Variants in EZH1 observed in about 807,000 individuals in gnomAD.
EZH1 encodes the protein enhancer of zeste 1 polycomb repressive complex 2 subunit.
EZH1 carries 33 observed loss-of-function variants against 100.5 expected under a neutral mutation model. The ratio of observed to expected loss-of-function variants is 0.33; its 90% CI spans 0.25 to 0.44. The LOEUF (loss-of-function observed/expected upper bound fraction) is 0.44, where lower values mean the gene tolerates loss of function less well. Among genes scored for constraint, EZH1 ranks in the 20% least tolerant of loss-of-function variants. The pLI is 1.00. For missense variants in EZH1, 475 were observed against 928.4 expected (o/e 0.51, Z 6.35); for synonymous variants, 272 against 313.8 (o/e 0.87, Z 1.41).
Position 42,731,051 on chromosome 17 carries a change from C to T in EZH1, c.-102-133G>A, listed in dbSNP as rs2053938032. 5 of 185,304 alleles carry T rather than the reference C, an allele frequency of 2.7e-5. No homozygotes were observed. In the South Asian group the frequency reaches 9.1e-4, roughly 34 times the overall value. 11.5% of individuals were successfully genotyped at this position (185,304 alleles called of 1,614,324 possible). On this transcript the variant is annotated intron_variant, in intron 1 of 20. Coordinates refer to ENST00000428826, the MANE Select transcript of EZH1 (RefSeq NM_001991.5). The stretch of plus-strand genomic sequence containing the variant: ...TCCTACTATTTTTGTATGTCTAAGA[C>T]AGGTCCCTATAATACTTGATGCCAT...
rs529836757 is a variant in EZH1, at chr17:42,718,287, G to A, written c.931+167C>T. The A allele has an allele frequency of 4.2e-6, 4 of 959,922 alleles. No homozygotes were observed. The highest frequency in any genetic ancestry group is 6.1e-6 in the Non-Finnish European group (4 of 655,826). The allele number at this position is 959,922 out of a possible 1,614,324, so 59.5% of individuals were successfully genotyped here. A position where few individuals can be genotyped will look rare whatever the true frequency, so the allele number is the denominator to read the frequency against. On this transcript the variant is annotated intron_variant, in intron 9 of 20. Transcript: ENST00000428826. This position sits in a 1 kb window ranked among gnomAD's most constrained non-coding sequence, Gnocchi z 4.2. ...TTGCTAGTTAGTCTGTCCCTATCAT[G>A]CAAAGCATGTTGCACTATAATTGAG...
rs8072886 is a variant in EZH1, at chr17:42,710,032, C to G, written c.1402-95G>C. The G allele has an allele frequency of 3.5e-3, 3,500 of 1,013,552 alleles. 78 individuals are homozygous for G. In the African/African-American group the frequency reaches 0.048, roughly 14 times the overall value. 62.8% of individuals were successfully genotyped at this position (1,013,552 alleles called of 1,614,324 possible). On this transcript the variant is annotated intron_variant, in intron 12 of 20. Coordinates refer to ENST00000428826, the MANE Select transcript of EZH1 (RefSeq NM_001991.5). ...CTGGCCTTGGGAGGGTTCTGAGAAACTCAGGCAGCTGACCAAGCCTCTCAT... is the reference window on the plus strand; with the variant it reads ...CTGGCCTTGGGAGGGTTCTGAGAAAGTCAGGCAGCTGACCAAGCCTCTCAT...
At chr17:42,714,137 AC>A (rs1257019025) in intron 10 of EZH1, among the ~76,000 whole-genome samples, 1 of 152,012 alleles carries the variant, frequency 6.6e-6, no homozygotes, top group African/African-American at 2.4e-5. Context: ...TACAGCTATC[AC>A]CCCCTTTTTT....
intron 2 of EZH1, chr17:42,729,214 T>C: frequency 3.4e-6 from 1 of 291,358 alleles, no homozygotes; most frequent in Admixed American, 5.1e-5. Flanking sequence ...TGAGACAACC[T>C]TGGGCAACAT....
chr17:42,744,779 G>C (rs1480331956), intron 1 of EZH1, among the ~76,000 whole-genome samples: 1 of 141,360 alleles, frequency 7.1e-6, no homozygotes, highest in South Asian at 2.6e-4. Context: ...CGGGCACACA[G>C]CCCTCGCAGC....
intron 10 of EZH1, among the ~76,000 whole-genome samples, chr17:42,714,868 T>G (rs527411151): frequency 2.2e-4 from 31 of 142,218 alleles, no homozygotes; most frequent in African/African-American, 6.5e-4. Flanking sequence ...ACATATAATT[T>G]TTATATATTA....
At chr17:42,707,889 T>C (rs1008233485) in intron 15 of EZH1, 69 bp downstream of exon 15, 1 of 1,601,586 alleles carries the variant, frequency 6.2e-7, no homozygotes, top group African/African-American at 1.3e-5. Context: ...GGCACAGGAA[T>C]GGGGCAAGCC....
intron 6 of EZH1, among the ~76,000 whole-genome samples, chr17:42,721,640 TTC>T (rs1270805195): frequency 6.6e-6 from 1 of 152,012 alleles, no homozygotes; most frequent in Non-Finnish European, 1.5e-5. Flanking sequence ...TAATTTTTAT[TTC>T]TGTTTCTGCT....
intron 4 of EZH1, among the ~76,000 whole-genome samples, chr17:42,725,868 TACACTATCTGC>T (rs2053808769): frequency 6.6e-6 from 1 of 152,080 alleles, no homozygotes; most frequent in Non-Finnish European, 1.5e-5. Flanking sequence ...TTGCTCTCAA[TACACTATCTGC>T]TTTTCGTTTT....
intron 1 of EZH1, among the ~76,000 whole-genome samples, chr17:42,740,069 A>G (rs769091465): frequency 1.3e-5 from 2 of 151,730 alleles, no homozygotes; most frequent in Non-Finnish European, 2.9e-5. Flanking sequence ...ATTTCATTTT[A>G]TTTTGTTTTT....
At position 42,733,485 on chromosome 17, in the gene EZH1, C is replaced by CA. The variant is rs528536593; in HGVS notation, c.-102-2568dup. 7.9e-5 allele frequency among the ~76,000 whole-genome samples: 12 copies of CA among 151,134 alleles called. No individual in the cohort carries two copies. The South Asian group carries it at 2.5e-3, about 32-fold the overall frequency. ...TGAAACCCCGTCTCTTCTAAAAATACAAAAAATTAGCCTGGCATGGTGGCA... is the reference window on the plus strand; with the variant it reads ...TGAAACCCCGTCTCTTCTAAAAATACAAAAAAATTAGCCTGGCATGGTGGCA... On this transcript the variant is annotated intron_variant, in intron 1 of 20. Coordinates refer to ENST00000428826, the MANE Select transcript of EZH1 (RefSeq NM_001991.5).
intron 12 of EZH1, among the ~76,000 whole-genome samples, chr17:42,712,085 A>C (rs1310997877): frequency 6.6e-6 from 1 of 152,152 alleles, no homozygotes; most frequent in Non-Finnish European, 1.5e-5. Context: ...AGCAAGGAGG[A>C]GGCGGGTCCC....
Position 42,700,970 on chromosome 17 carries a change from C to G in EZH1, c.*1562G>C, listed in dbSNP as rs1365513299. Reference sequence around the variant, plus strand: ...AGTGGGAAGAAGCGGGGCTCTGAGTCCCAGAAAGAAGGGAGAAGCCTGCTC... The same window carrying G: ...AGTGGGAAGAAGCGGGGCTCTGAGTGCCAGAAAGAAGGGAGAAGCCTGCTC... On this transcript the variant is annotated 3_prime_UTR_variant, in exon 21 of 21. Coordinates refer to ENST00000428826, the MANE Select transcript of EZH1 (RefSeq NM_001991.5). 1 of 152,282 alleles carries G rather than the reference C, an allele frequency of 6.6e-6. No homozygotes were observed. Among genetic ancestry groups the G allele is most frequent in the Non-Finnish European group, 1.5e-5 (1 of 68,044 alleles). 9.4% of individuals were successfully genotyped at this position (152,282 alleles called of 1,614,324 possible).
At position 42,702,713 on chromosome 17, in the gene EZH1, C is replaced by T. The variant is rs2053268978; in HGVS notation, c.2184-121G>A. On this transcript the variant is annotated intron_variant, in intron 20 of 20. Transcript: ENST00000428826. ...TTAAGGGCTGTTTACAATGGTCCCA[C>T]TTCTGAGGCAAGGCACCAGATATCA... 3 of 1,284,790 alleles carry T rather than the reference C, an allele frequency of 2.3e-6. No individual in the cohort carries two copies. In the South Asian group the frequency reaches 3.8e-5, roughly 16 times the overall value. 79.6% of individuals were successfully genotyped at this position (1,284,790 alleles called of 1,614,324 possible).
In EZH1 at chr17:42,734,723, G is replaced by A. The variant is rs189197246; in HGVS notation, c.-102-3805C>T. On this transcript the variant is annotated intron_variant, in intron 1 of 20. Transcript: ENST00000428826. ...AAGAAGGAAGGAAGGGCTGGGCGCA[G>A]TGGCTCACACCTGTAATCCCAGTAC... Among the ~76,000 whole-genome samples, 220 of 151,742 alleles carry A rather than the reference G, an allele frequency of 1.4e-3. 3 individuals are homozygous for A. The highest frequency in any genetic ancestry group is 2.0e-3 in the Non-Finnish European group (139 of 67,980).
intron 12 of EZH1, 120 bp from the exon 13 acceptor site, chr17:42,710,057 T>A (rs549730712): frequency 6.4e-6 from 5 of 781,462 alleles, no homozygotes; most frequent in Admixed American, 2.0e-5. Context: ...AAGCCTCTCA[T>A]CAGTCAGGGA....
At position 42,724,392 on chromosome 17, in the gene EZH1, T is replaced by G. The variant is rs1390712815; in HGVS notation, c.279A>C (p.Ala93=). 6.2e-7 allele frequency: 1 copy of G among 1,614,086 alleles called. No individual in the cohort carries two copies. The highest frequency in any genetic ancestry group is 1.3e-5 in the African/African-American group (1 of 75,048). The change falls in exon 5 of 21, where the codon GCA becomes GCC. Residue 93 remains alanine (A), a synonymous_variant. Coordinates refer to ENST00000428826, the MANE Select transcript of EZH1 (RefSeq NM_001991.5). The part of the protein sequence containing the change: ...CTIESIFPGF[A]SQHMLMRSLN... ...GTGACCTCATTAACATATGTTGGCT[T>G]GCAAATCCCGGGAAAATGCTCTCTA...
rs775017802 is a variant in EZH1 at position 42,704,603 on chromosome 17, A to G, written c.2016T>C (p.Asn672=). 1.9e-6 allele frequency: 3 copies of G among 1,612,378 alleles called. No individual in the cohort carries two copies. The highest frequency in any genetic ancestry group is 3.3e-5 in the Admixed American group (2 of 59,964). ...GGATGAGACAAAGTGACTTCATACCATTATTGAGGTTGAAGAGGAAGCTGG... is the reference window on the plus strand; with the variant it reads ...GGATGAGACAAAGTGACTTCATACCGTTATTGAGGTTGAAGAGGAAGCTGG... ...YMSSFLFNLN[N]DFVVDATRKG... The change falls in exon 18 of 21, where the codon AAT becomes AAC. Residue 672 remains asparagine (N), a splice_region_variant and synonymous_variant. Coordinates refer to ENST00000428826, the MANE Select transcript of EZH1 (RefSeq NM_001991.5).
rs757033020 is a variant in EZH1, at chr17:42,713,240, G to T, written c.1173C>A (p.Asp391Glu). ...AETKEGDSDR[D>E]TGNDWASSSS... ...AACTGGAGGCCCAGTCATTGCCTGTGTCCCTGTCACTGTCTCCTTCTTTAG... is the reference window on the plus strand; with the variant it reads ...AACTGGAGGCCCAGTCATTGCCTGTTTCCCTGTCACTGTCTCCTTCTTTAG... Residue 391 changes from aspartate (D) to glutamate (E), a missense_variant, in exon 11 of 21, where the codon GAC becomes GAA. Asp to Glu is a conservative substitution (Grantham distance 45, BLOSUM62 2). Coordinates refer to ENST00000428826, the MANE Select transcript of EZH1 (RefSeq NM_001991.5). The T allele has an allele frequency of 1.2e-6, 2 of 1,613,824 alleles. No homozygotes were observed. The highest frequency in any genetic ancestry group is 2.2e-5 in the South Asian group (2 of 91,016).
Sources: allele counts gnomAD v4.1 joint callset (sites outside exome capture counted in the v4.1 genomes callset), GRCh38; gene constraint gnomAD v4.1.1; non-coding constraint Gnocchi (gnomAD v3.1); transcripts MANE v1.5; gene names NCBI Gene and HGNC (gene_info 2026-07-23, HGNC 2026-07-21).